WDR33: variants seen among roughly 807,000 people sequenced by gnomAD.
The protein encoded by WDR33 is WD repeat domain 33.
In WDR33, 47 loss-of-function variants were observed where a neutral mutation model predicts 164.9. The ratio of observed to expected loss-of-function variants is 0.29; its 90% CI spans 0.23 to 0.36. WDR33 has a LOEUF of 0.36. Ranked by LOEUF, WDR33 falls within the 10% of genes least tolerant of loss-of-function variation. WDR33 has a pLI of 1.00. For missense variants in WDR33, 1,137 were observed against 1,754.1 expected (o/e 0.65, Z 6.28); for synonymous variants, 505 against 589.0 (o/e 0.86, Z 2.06).
At chr2:127,773,376 G>A (rs1337635317) in intron 1 of WDR33, among the ~76,000 whole-genome samples, 3 of 151,716 alleles carry the variant, frequency 2.0e-5, no homozygotes, top group Admixed American at 6.6e-5. Flanking sequence ...GCCTTGTCAC[G>A]TTGGTCCCTC....
chr2:127,713,626 G>A lies in WDR33; in HGVS notation c.3265C>T (p.Arg1089Trp), dbSNP rs748063226. The change falls in exon 18 of 22, where the codon CGG becomes TGG. Residue 1089 changes from arginine to tryptophan, a missense_variant. Coordinates refer to ENST00000322313, the MANE Select transcript of WDR33 (RefSeq NM_018383.5). This position sits in a 1 kb window ranked among gnomAD's most constrained non-coding sequence, Gnocchi z 6.2. Reference protein sequence around the residue: ...GRRPGDERFPRDPEDPRFRGR... With the variant: ...GRRPGDERFPWDPEDPRFRGR... Reference sequence around the variant, plus strand: ...CGAAAACGTGGGTCCTCGGGATCCCGGGGGAAACGTTCATCTCCGGGCCTG... The same window carrying A: ...CGAAAACGTGGGTCCTCGGGATCCCAGGGGAAACGTTCATCTCCGGGCCTG... The A allele has an allele frequency of 1.4e-5, 23 of 1,614,096 alleles. No homozygotes were observed. Among genetic ancestry groups the A allele is most frequent in the African/African-American group, 2.7e-5 (2 of 74,936 alleles).
Position 127,736,850 on chromosome 2 carries a change from G to A in WDR33, c.725-10073C>T, listed in dbSNP as rs891090478. ...TGCTGTTAAACTCTTTTACAATAAC[G>A]TGGGGAAGGGTATAAACAGGAAAGT... On this transcript the variant is annotated intron_variant, in intron 7 of 21. Coordinates refer to ENST00000322313, the MANE Select transcript of WDR33 (RefSeq NM_018383.5). The A allele has an allele frequency of 3.6e-5, 35 of 985,250 alleles. No homozygotes were observed. The African/African-American group carries it at 4.5e-4, about 13-fold the overall frequency. The allele number at this position is 985,250 out of a possible 1,614,324, so 61.0% of individuals were successfully genotyped here. A position where few individuals can be genotyped will look rare whatever the true frequency, so the allele number is the denominator to read the frequency against.
In WDR33 at chr2:127,726,912, T is replaced by A; in HGVS notation, c.725-135A>T. The stretch of plus-strand genomic sequence containing the variant: ...TTAAAACTTGTTTTGTGAAGACTCT[T>A]TGGCCTCTGTGTGTCTGGAAATTTT... On this transcript the variant is annotated intron_variant, in intron 7 of 21. Transcript: ENST00000322313. The surrounding 1 kb of genome is among the most constrained non-coding windows in gnomAD (Gnocchi z 4.8). The A allele has an allele frequency of 8.6e-7, 1 of 1,163,140 alleles. No individual in the cohort carries two copies. 72.1% of individuals were successfully genotyped at this position (1,163,140 alleles called of 1,614,324 possible). A position where few individuals can be genotyped will look rare whatever the true frequency, so the allele number is the denominator to read the frequency against.
intron 1 of WDR33, among the ~76,000 whole-genome samples, chr2:127,771,566 CAGG>C (rs1436610056): frequency 6.6e-6 from 1 of 152,086 alleles, no homozygotes; most frequent in African/African-American, 2.4e-5. Flanking sequence ...CGCTTGAGGC[CAGG>C]AGTTTAAGAT....
rs746876310 is a variant in WDR33, at chr2:127,708,859, C to T, written c.3599G>A (p.Arg1200His). 3 of 1,588,992 alleles carry T rather than the reference C, an allele frequency of 1.9e-6. No homozygotes were observed. Among genetic ancestry groups the T allele is most frequent in the Admixed American group, 1.8e-5 (1 of 57,036 alleles). ...PGHEHFRDTP[R>H]PDHPPHDGHS... ...ACCGTCGTGAGGGGGATGATCAGGGCGGGGAGTATCACGAAAATGTTCATG... is the reference window on the plus strand; with the variant it reads ...ACCGTCGTGAGGGGGATGATCAGGGTGGGGAGTATCACGAAAATGTTCATG... Residue 1200 changes from arginine (R) to histidine (H), a missense_variant, in exon 21 of 22, where the codon CGC becomes CAC. Around this residue, in one of 9 missense-constraint regions of WDR33, gnomAD observed 867 missense variants for 1,073.0 expected, o/e 0.81. Transcript: ENST00000322313. The surrounding 1 kb of genome is among the most constrained non-coding windows in gnomAD (Gnocchi z 6.7).
chr2:127,740,542 T>A (rs1278756549), intron 7 of WDR33, among the ~76,000 whole-genome samples: 2 of 152,174 alleles, frequency 1.3e-5, no homozygotes, highest in Non-Finnish European at 2.9e-5. Context: ...AGATCCTGTC[T>A]CTAAAAAAGA....
At chr2:127,802,847 G>A (rs1281631238) in intron 1 of WDR33, among the ~76,000 whole-genome samples, 1 of 151,954 alleles carries the variant, frequency 6.6e-6, no homozygotes, top group African/African-American at 2.4e-5. Context: ...CAGGCATGGT[G>A]GTGCGCACTT....
chr2:127,761,183 T>G (rs1417984848), intron 7 of WDR33, among the ~76,000 whole-genome samples: 1 of 152,098 alleles, frequency 6.6e-6, no homozygotes, highest in Non-Finnish European at 1.5e-5. Flanking sequence ...ACTGTAAAAT[T>G]AGTTGTTTTA....
At chr2:127,732,334 T>C (rs1253762897) in intron 7 of WDR33, among the ~76,000 whole-genome samples, 1 of 151,874 alleles carries the variant, frequency 6.6e-6, no homozygotes, top group Non-Finnish European at 1.5e-5. Context: ...GGTTGCACTC[T>C]ATCGCCCAGG....
intron 1 of WDR33, among the ~76,000 whole-genome samples, chr2:127,810,234 T>G (rs1426585826): frequency 6.6e-6 from 1 of 152,202 alleles, no homozygotes; most frequent in Non-Finnish European, 1.5e-5. Context: ...GTGTAGAAAC[T>G]ACTTTAAAAC....
rs751333821 is a variant in WDR33, at chr2:127,703,627, A to G, written c.*2696T>C. On this transcript the variant is annotated 3_prime_UTR_variant, in exon 22 of 22. Coordinates refer to ENST00000322313, the MANE Select transcript of WDR33 (RefSeq NM_018383.5). ...ATCAGTAAACAAGGTTACCTACCTCAGGAGGCTGCTTGTGAGAGAGCAAAT... is the reference window on the plus strand; with the variant it reads ...ATCAGTAAACAAGGTTACCTACCTCGGGAGGCTGCTTGTGAGAGAGCAAAT... 5 of 167,100 alleles carry G rather than the reference A, an allele frequency of 3.0e-5. No individual in the cohort carries two copies. Among genetic ancestry groups the G allele is most frequent in the Non-Finnish European group, 5.9e-5 (4 of 68,124 alleles). 10.4% of individuals were successfully genotyped at this position (167,100 alleles called of 1,614,324 possible). A position where few individuals can be genotyped will look rare whatever the true frequency, so the allele number is the denominator to read the frequency against.
Position 127,735,650 on chromosome 2 carries a change from A to T in WDR33, c.725-8873T>A. 2 of 985,876 alleles carry T rather than the reference A, an allele frequency of 2.0e-6. No individual in the cohort carries two copies. Among genetic ancestry groups the T allele is most frequent in the Non-Finnish European group, 2.4e-6 (2 of 829,942 alleles). The allele number at this position is 985,876 out of a possible 1,614,324, so 61.1% of individuals were successfully genotyped here. A position where few individuals can be genotyped will look rare whatever the true frequency, so the allele number is the denominator to read the frequency against. ...ACTCAGGCTACTTCTAGCCACAAGA[A>T]CATAAAATGTAACAGATCAGTTTAA... On this transcript the variant is annotated intron_variant, in intron 7 of 21. Coordinates refer to ENST00000322313, the MANE Select transcript of WDR33 (RefSeq NM_018383.5). The surrounding 1 kb of genome is among the most constrained non-coding windows in gnomAD (Gnocchi z 4.3).
chr2:127,731,316 A>AC (rs1553473218), intron 7 of WDR33, among the ~76,000 whole-genome samples: 5 of 149,984 alleles, frequency 3.3e-5, no homozygotes, highest in Middle Eastern at 3.2e-3. Flanking sequence ...AAAAAAAAAA[A>AC]AACACAGAAA....
At position 127,702,874 on chromosome 2, in the gene WDR33, A is replaced by C. The variant is rs570566267; in HGVS notation, c.*3449T>G. 2.1e-4 allele frequency: 35 copies of C among 167,008 alleles called. No homozygotes were observed. The highest frequency in any genetic ancestry group is 7.5e-4 in the African/African-American group (31 of 41,590). 10.3% of individuals were successfully genotyped at this position (167,008 alleles called of 1,614,324 possible). ...CCAGGAAGGGGCGCGTAGATGCTTA[A>C]CGGTCTCTTCGGAAATCCTGCAAAT... is the stretch of plus-strand genomic sequence containing the variant. On this transcript the variant is annotated 3_prime_UTR_variant, in exon 22 of 22. Transcript: ENST00000322313.
In WDR33 at chr2:127,741,294, G is replaced by A. The variant is rs1230982186; in HGVS notation, c.725-14517C>T. ...GACACTGAAAATGGAAAGAAGTGGAGGGCAAAGAGAGAATGGGAGAGGAGG... is the reference window on the plus strand; with the variant it reads ...GACACTGAAAATGGAAAGAAGTGGAAGGCAAAGAGAGAATGGGAGAGGAGG... On this transcript the variant is annotated intron_variant, in intron 7 of 21. Coordinates refer to ENST00000322313, the MANE Select transcript of WDR33 (RefSeq NM_018383.5). This position sits in a 1 kb window ranked among gnomAD's most constrained non-coding sequence, Gnocchi z 4.1. Among the ~76,000 whole-genome samples the A allele has an allele frequency of 3.9e-5, 6 of 152,188 alleles. No individual in the cohort carries two copies. Among genetic ancestry groups the A allele is most frequent in the African/African-American group, 7.2e-5 (3 of 41,442 alleles).
intron 7 of WDR33, among the ~76,000 whole-genome samples, chr2:127,727,380 A>T (rs956745756): frequency 6.6e-6 from 1 of 152,212 alleles, no homozygotes; most frequent in Admixed American, 6.5e-5. Flanking sequence ...CAGGCCTGCT[A>T]TATTTTAGGC....
Position 127,701,752 on chromosome 2 carries a change from A to AGCGGCTGGCGGCGGGCG in WDR33, c.*4554_*4570dup, listed in dbSNP as rs1363368452. 1.4e-6 allele frequency: 2 copies of AGCGGCTGGCGGCGGGCG among 1,418,344 alleles called. No homozygotes were observed. The highest frequency in any genetic ancestry group is 1.5e-5 in the African/African-American group (1 of 66,778). The allele number at this position is 1,418,344 out of a possible 1,614,324, so 87.9% of individuals were successfully genotyped here. On this transcript the variant is annotated 3_prime_UTR_variant, in exon 22 of 22. Coordinates refer to ENST00000322313, the MANE Select transcript of WDR33 (RefSeq NM_018383.5). The stretch of plus-strand genomic sequence containing the variant: ...TGCCTCCCGAGCGTGACGCGCGGGC[A>AGCGGCTGGCGGCGGGCG]GCGGCTGGCGGCGGGCGGCGGGTGC...
At chr2:127,765,116 T>C (rs895767633) in intron 5 of WDR33, 58 bp downstream of exon 5, 13 of 1,567,318 alleles carry the variant, frequency 8.3e-6, no homozygotes, top group Admixed American at 7.0e-5. Flanking sequence ...GAAATGACTA[T>C]ATCTCAAGTT....
Position 127,701,442 on chromosome 2 carries a change from A to G in WDR33, c.*4881T>C. 8.3e-7 allele frequency: 1 copy of G among 1,202,916 alleles called. No homozygotes were observed. The highest frequency in any genetic ancestry group is 1.0e-6 in the Non-Finnish European group (1 of 962,858). 74.5% of individuals were successfully genotyped at this position (1,202,916 alleles called of 1,614,324 possible). ...GGCCCTGCCCCTTTCGCCGTCGCCGACCAATTGCCGCCCGAAGACCGAACC... is the reference window on the plus strand; with the variant it reads ...GGCCCTGCCCCTTTCGCCGTCGCCGGCCAATTGCCGCCCGAAGACCGAACC... On this transcript the variant is annotated 3_prime_UTR_variant, in exon 22 of 22. Transcript: ENST00000322313.
Sources: allele counts gnomAD v4.1 joint callset (sites outside exome capture counted in the v4.1 genomes callset), GRCh38; gene constraint gnomAD v4.1.1; regional missense constraint gnomAD v4.1.1; non-coding constraint Gnocchi (gnomAD v3.1); transcripts MANE v1.5; gene names NCBI Gene and HGNC (gene_info 2026-07-23, HGNC 2026-07-21).